The following LTN1 variants were observed in gnomAD, a reference collection of about 807,000 sequenced individuals.
LTN1 encodes the protein E3 ubiquitin-protein ligase listerin.
A neutral mutation model predicts 201.2 loss-of-function variants in LTN1; 88 were observed. That is an observed-to-expected ratio of 0.44 (90% CI 0.37 to 0.52). LTN1 has a LOEUF of 0.52. LTN1 is among the 20% of genes least tolerant of loss of function. LTN1 has a pLI of 0.00. For synonymous variants in LTN1, 645 were observed against 713.5 expected, an observed-to-expected ratio of 0.90 and a Z score of 1.53; for missense variants, 1,752 against 2,038.7, an observed-to-expected ratio of 0.86 and a Z score of 2.71.
At chr21:28,963,618 A>G (rs2084497731) in intron 11 of LTN1, among the ~76,000 whole-genome samples, 1 of 152,238 alleles carries the variant, frequency 6.6e-6, no homozygotes, top group African/African-American at 2.4e-5. Context: ...TGCTAACACA[A>G]CATCCATTCT....
At position 28,944,517 on chromosome 21, in the gene LTN1, TCACAGGC is replaced by T. The variant is rs1568836454; in HGVS notation, c.3841_3847del (p.Ala1281ThrfsTer19). On this transcript the variant is annotated frameshift_variant, in exon 22 of 30. Coordinates refer to ENST00000361371, the MANE Select transcript of LTN1 (RefSeq NM_015565.3). LOFTEE classifies it high-confidence loss of function. ...TGTGGAATCAAAGAAAGCACTGAGG[TCACAGGC>T]CAAATCACAGCTGACACAGGCAAAC... 6.2e-7 allele frequency: 1 copy of T among 1,613,956 alleles called. No individual in the cohort carries two copies. Among genetic ancestry groups the T allele is most frequent in the East Asian group, 2.2e-5 (1 of 44,856 alleles).
intron 25 of LTN1, among the ~76,000 whole-genome samples, chr21:28,940,395 T>A (rs1289342581): frequency 6.6e-6 from 1 of 152,216 alleles, no homozygotes; most frequent in African/African-American, 2.4e-5. Context: ...TAGTGGCTGC[T>A]AGAATAATTT....
At position 28,945,917 on chromosome 21, in the gene LTN1, C is replaced by T; in HGVS notation, c.3658G>A (p.Val1220Ile). ...AGAAACCGGATTATTTCTATATTTA[C>T]ACCCAGTACCTCTGGACTTGCTTCT... is the stretch of plus-strand genomic sequence containing the variant. ...LSEASPEVLG[V>I]NIEIIRFLSL... is the part of the protein sequence containing the mutation. Residue 1220 changes from valine (V) to isoleucine (I), a missense_variant, in exon 21 of 30, where the codon GTA becomes ATA. Physicochemically the swap from Val to Ile is conservative, Grantham distance 29. Coordinates refer to ENST00000361371, the MANE Select transcript of LTN1 (RefSeq NM_015565.3). The T allele has an allele frequency of 6.2e-7, 1 of 1,613,214 alleles. No individual in the cohort carries two copies. The highest frequency in any genetic ancestry group is 1.1e-5 in the South Asian group (1 of 91,004).
chr21:28,979,203 C>G (rs758042751), intron 6 of LTN1, among the ~76,000 whole-genome samples: 1 of 152,194 alleles, frequency 6.6e-6, no homozygotes, highest in Admixed American at 6.5e-5. Flanking sequence ...AGAGTCATCA[C>G]GTATTGATGG....
chr21:28,966,803 A>G lies in LTN1; in HGVS notation c.1688T>C (p.Ile563Thr). The G allele has an allele frequency of 6.2e-7, 1 of 1,613,378 alleles. No individual in the cohort carries two copies. The highest frequency in any genetic ancestry group is 8.5e-7 in the Non-Finnish European group (1 of 1,179,820). Residue 563 changes from isoleucine (I) to threonine (T), a missense_variant, in exon 10 of 30, where the codon ATT (isoleucine) becomes ACT (threonine). Transcript: ENST00000361371. Reference sequence around the variant, plus strand: ...TTCAGTTGTTAATTCCCAGCCTTCAATCTTCTCTCCTTCTGAAGATACACA... The same window carrying G: ...TTCAGTTGTTAATTCCCAGCCTTCAGTCTTCTCTCCTTCTGAAGATACACA... The part of the protein sequence containing the change: ...EKCVSSEGEK[I>T]EGWELTTEPS...
chr21:28,966,998 C>G lies in LTN1; in HGVS notation c.1493G>C (p.Cys498Ser), dbSNP rs771661314. 6.2e-7 allele frequency: 1 copy of G among 1,614,078 alleles called. No individual in the cohort carries two copies. Among genetic ancestry groups the G allele is most frequent in the Non-Finnish European group, 8.5e-7 (1 of 1,180,000 alleles). The change falls in exon 10 of 30, where the codon TGT becomes TCT. Residue 498 changes from cysteine to serine, a missense_variant. This residue lies in a region of LTN1 where 1,211 missense variants were observed against 1,312.8 expected (regional missense o/e 0.92). Transcript: ENST00000361371. The part of the protein sequence containing the change: ...IHFWERLSEI[C>S]VAKISEPEAD... Reference sequence around the variant, plus strand: ...TTCTGGCTCACTGATTTTCGCAACACAGATCTCTGACAGTCTTTCCCAGAA... The same window carrying G: ...TTCTGGCTCACTGATTTTCGCAACAGAGATCTCTGACAGTCTTTCCCAGAA...
rs748122581 is a variant in LTN1 at position 28,992,791 on chromosome 21, G to C, written c.15C>G (p.Asn5Lys). ...TCAGGTTCCCTTTAGTTCGCTGCTT[G>C]TTCTTCCCGCCCATGGTCGCGGTTG... The part of the protein sequence containing the change: MGGK[N>K]KQRTKGNLRP... The change falls in exon 1 of 30, where the codon AAC (asparagine) becomes AAG (lysine). Residue 5 changes from asparagine (N) to lysine (K), a missense_variant. By Grantham distance (94) the Asn-to-Lys change is moderately conservative. Coordinates refer to ENST00000361371, the MANE Select transcript of LTN1 (RefSeq NM_015565.3). The C allele has an allele frequency of 6.2e-7, 1 of 1,614,090 alleles. No individual in the cohort carries two copies. The highest frequency in any genetic ancestry group is 1.3e-5 in the African/African-American group (1 of 74,938).
At chr21:28,971,725 C>T (rs2084576681) in intron 6 of LTN1, among the ~76,000 whole-genome samples, 1 of 152,038 alleles carries the variant, frequency 6.6e-6, no homozygotes, top group African/African-American at 2.4e-5. Context: ...TTGGGGCCTC[C>T]ATTATAGCCA....
intron 1 of LTN1, among the ~76,000 whole-genome samples, chr21:28,991,830 G>GAA (rs796492942): frequency 6.6e-6 from 1 of 151,572 alleles, no homozygotes; most frequent in Admixed American, 6.6e-5. Context: ...TCAGAAACAG[G>GAA]AAAAAAAAGC....
chr21:28,929,491 C>T lies in LTN1; in HGVS notation c.*957G>A, dbSNP rs1004674634. 2 of 152,186 alleles carry T rather than the reference C, an allele frequency of 1.3e-5. No homozygotes were observed. The highest frequency in any genetic ancestry group is 2.9e-5 in the Non-Finnish European group (2 of 67,992). The allele number at this position is 152,186 out of a possible 1,614,324, so 9.4% of individuals were successfully genotyped here. A position where few individuals can be genotyped will look rare whatever the true frequency, so the allele number is the denominator to read the frequency against. On this transcript the variant is annotated 3_prime_UTR_variant, in exon 30 of 30. Transcript: ENST00000361371. Reference sequence around the variant, plus strand: ...GAAGGCTGAAAAACATTTGCTCCCCCAAGTCTCTTATTTAGTATAACTTTG... The same window carrying T: ...GAAGGCTGAAAAACATTTGCTCCCCTAAGTCTCTTATTTAGTATAACTTTG...
chr21:28,980,453 T>C (rs1268910475), intron 6 of LTN1, among the ~76,000 whole-genome samples: 5 of 145,326 alleles, frequency 3.4e-5, no homozygotes, highest in African/African-American at 1.3e-4. Context: ...AAATGACGAG[T>C]TAAGGGGTGC....
At chr21:28,980,905 T>C (rs2084653382) in intron 6 of LTN1, among the ~76,000 whole-genome samples, 1 of 152,134 alleles carries the variant, frequency 6.6e-6, no homozygotes, top group East Asian at 1.9e-4. Context: ...AGTATGGTAA[T>C]TCATACTGAT....
At chr21:28,980,660 TC>T (rs1316577432) in intron 6 of LTN1, among the ~76,000 whole-genome samples, 1 of 151,982 alleles carries the variant, frequency 6.6e-6, no homozygotes, top group Non-Finnish European at 1.5e-5. Flanking sequence ...ACCCTGCATT[TC>T]CCGTAAGGGC....
At position 28,928,315 on chromosome 21, in the gene LTN1, A is replaced by C. The variant is rs917274000; in HGVS notation, c.*2133T>G. On this transcript the variant is annotated 3_prime_UTR_variant, in exon 30 of 30. Transcript: ENST00000361371. ...TATGGTATAACAATCAAATAATAAC[A>C]TTAATTACTTGCACCACAAAAATGT... 1 of 152,656 alleles carries C rather than the reference A, an allele frequency of 6.6e-6. No homozygotes were observed. Among genetic ancestry groups the C allele is most frequent in the Non-Finnish European group, 1.5e-5 (1 of 68,032 alleles). The allele number at this position is 152,656 out of a possible 1,614,324, so 9.5% of individuals were successfully genotyped here. A position where few individuals can be genotyped will look rare whatever the true frequency, so the allele number is the denominator to read the frequency against.
chr21:28,950,688 G>GTATTTTTTTGTAGAGATGTTTCGCC (rs2084374916), intron 18 of LTN1, among the ~76,000 whole-genome samples: 1 of 152,024 alleles, frequency 6.6e-6, no homozygotes. Context: ...GCTAATTTTT[G>GTATTTTTTTGTAGAGATGTTTCGCC]TATTTTTTTG....
intron 6 of LTN1, among the ~76,000 whole-genome samples, chr21:28,979,243 A>G (rs751109514): frequency 6.6e-6 from 1 of 152,240 alleles, no homozygotes; most frequent in Non-Finnish European, 1.5e-5. Context: ...GCCCTTCAGG[A>G]GAGCAATCTG....
rs551233706 is a variant in LTN1, at chr21:28,931,730, G to A, written c.5071-408C>T. Reference sequence around the variant, plus strand: ...AAAATAGTTTTTCTTGGCCGGGAGCGGTAGCTCAAGCCTGTAATCCCAGCA... The same window carrying A: ...AAAATAGTTTTTCTTGGCCGGGAGCAGTAGCTCAAGCCTGTAATCCCAGCA... On this transcript the variant is annotated intron_variant, in intron 28 of 29. Coordinates refer to ENST00000361371, the MANE Select transcript of LTN1 (RefSeq NM_015565.3). 1.2e-4 allele frequency among the ~76,000 whole-genome samples: 18 copies of A among 152,266 alleles called. No homozygotes were observed. The South Asian group carries it at 1.4e-3, about 12-fold the overall frequency.
chr21:28,951,241 CA>C (rs1282128508), intron 18 of LTN1, among the ~76,000 whole-genome samples: 1 of 152,096 alleles, frequency 6.6e-6, no homozygotes, highest in Non-Finnish European at 1.5e-5. Context: ...AGATAAAAAA[CA>C]GTCAAAATTT....
At chr21:28,950,020 A>G (rs762727762) in intron 18 of LTN1, among the ~76,000 whole-genome samples, 33 of 152,166 alleles carry the variant, frequency 2.2e-4, no homozygotes, top group Non-Finnish European at 5.9e-5. Context: ...TATATGTTAT[A>G]TTTGGCATGC....
Sources: gnomAD v4.1 joint callset for allele counts (sites outside exome capture counted in the v4.1 genomes callset) on GRCh38, gnomAD v4.1.1 for gene constraint, gnomAD v4.1.1 regional missense constraint, MANE v1.5 for transcripts, NCBI Gene and HGNC (gene_info 2026-07-23, HGNC 2026-07-21) for gene names.